The following OCA2 variants were observed in gnomAD, a reference collection of about 807,000 sequenced individuals.
OCA2 encodes the protein OCA2 melanosomal transmembrane protein, also known as P protein.
In OCA2, 77 loss-of-function variants were observed where a neutral mutation model predicts 100.2. The observed-to-expected ratio is 0.77, with a 90% CI of 0.64 to 0.93. OCA2 has a LOEUF of 0.93. OCA2 is among the 40% of genes least tolerant of loss of function. The pLI, the probability that OCA2 is intolerant of heterozygous loss-of-function variation, is 0.00. For synonymous variants in OCA2, 432 were observed against 439.2 expected (o/e 0.98, Z 0.21); for missense variants, 1,062 against 1,089.1 (o/e 0.98, Z 0.35).
At chr15:27,807,525 T>C (rs1268689201) in intron 23 of OCA2, among the ~76,000 whole-genome samples, 1 of 152,094 alleles carries the variant, frequency 6.6e-6, no homozygotes, top group Non-Finnish European at 1.5e-5. Context: ...GAAGGCACCT[T>C]CGTCCCCTCC....
chr15:27,765,229 T>C (rs2031163590), intron 23 of OCA2, among the ~76,000 whole-genome samples: 1 of 152,222 alleles, frequency 6.6e-6, no homozygotes, highest in African/African-American at 2.4e-5. Flanking sequence ...AGAGAGCCAG[T>C]GTCCTTATAC....
chr15:27,719,808 C>T, the OCA2 span, among the ~76,000 whole-genome samples: 12 of 152,134 alleles, frequency 7.9e-5, no homozygotes, highest in Non-Finnish European at 1.5e-4. Context: ...CCCATCTGCT[C>T]AGCTCCTGGT....
At chr15:27,855,526 A>G (rs531697195) in intron 21 of OCA2, among the ~76,000 whole-genome samples, 1 of 152,350 alleles carries the variant, frequency 6.6e-6, no homozygotes, top group East Asian at 1.9e-4. Context: ...TCCTCTGAGA[A>G]GTCTCCCTGA....
the OCA2 span, among the ~76,000 whole-genome samples, chr15:27,737,283 T>C: frequency 6.6e-6 from 1 of 152,178 alleles, no homozygotes. Context: ...AGCAGGTAGG[T>C]TTATAGAAAT....
At chr15:27,948,818 C>T (rs1057404460) in intron 18 of OCA2, among the ~76,000 whole-genome samples, 4 of 152,160 alleles carry the variant, frequency 2.6e-5, no homozygotes, top group African/African-American at 9.7e-5. Context: ...AAAGGCATTA[C>T]ACTGTGTGAG....
chr15:27,739,497 G>A, the OCA2 span, among the ~76,000 whole-genome samples: 2 of 139,200 alleles, frequency 1.4e-5, no homozygotes, highest in African/African-American at 5.5e-5. Context: ...CCAGGCTGGA[G>A]TGCAGTGGCA....
chr15:27,729,224 C>T, the OCA2 span, among the ~76,000 whole-genome samples: 1 of 151,986 alleles, frequency 6.6e-6, no homozygotes, highest in Non-Finnish European at 1.5e-5. Flanking sequence ...CTAAGCCTGA[C>T]CTAGGTTTGT....
intron 21 of OCA2, among the ~76,000 whole-genome samples, chr15:27,870,563 C>T (rs1338886971): frequency 1.3e-5 from 2 of 152,102 alleles, no homozygotes; most frequent in African/African-American, 2.4e-5. Context: ...AGATCTTGCC[C>T]AGGCCAAGCA....
chr15:27,873,828 A>G (rs12592510), intron 19 of OCA2, among the ~76,000 whole-genome samples: 37,152 of 152,192 alleles, frequency 0.24, 5,625 homozygotes, highest in East Asian at 0.56. Context: ...CTTTTACAAA[A>G]TAAAGTAATT....
chr15:28,074,131 G>T (rs1647058816), intron 2 of OCA2, among the ~76,000 whole-genome samples: 1 of 152,202 alleles, frequency 6.6e-6, no homozygotes, highest in Admixed American at 6.5e-5. Flanking sequence ...AAGCAATCTT[G>T]AGAAAGAACC....
chr15:28,094,582 G>T (rs1180923944), intron 1 of OCA2, among the ~76,000 whole-genome samples: 1 of 152,218 alleles, frequency 6.6e-6, no homozygotes, highest in Non-Finnish European at 1.5e-5. Flanking sequence ...AAAAATAGAT[G>T]GTTCAGAGTC....
chr15:27,971,684 T>C (rs2040797878), intron 14 of OCA2, among the ~76,000 whole-genome samples: 1 of 152,170 alleles, frequency 6.6e-6, no homozygotes, highest in African/African-American at 2.4e-5. Context: ...GCAAGAACTT[T>C]CCTCACAACT....
chr15:27,922,355 T>C (rs1231436407), intron 19 of OCA2, among the ~76,000 whole-genome samples: 1 of 152,198 alleles, frequency 6.6e-6, no homozygotes. Flanking sequence ...TAACCACTCA[T>C]GGAGATGATC....
At chr15:27,792,276 GCTTT>G (rs2033121437) in intron 23 of OCA2, among the ~76,000 whole-genome samples, 2 of 151,514 alleles carry the variant, frequency 1.3e-5, no homozygotes, top group South Asian at 4.2e-4. Context: ...CTTCCTTCTT[GCTTT>G]CTTTTTTCAT....
At chr15:28,091,599 T>C (rs2044870923) in intron 1 of OCA2, among the ~76,000 whole-genome samples, 1 of 152,168 alleles carries the variant, frequency 6.6e-6, no homozygotes, top group Non-Finnish European at 1.5e-5. Flanking sequence ...AATGAAAACA[T>C]ATGTCCACAC....
chr15:27,913,624 TGAAA>T (rs983753782), intron 19 of OCA2, among the ~76,000 whole-genome samples: 3 of 151,556 alleles, frequency 2.0e-5, no homozygotes, highest in African/African-American at 7.3e-5. Context: ...TGCTACAACC[TGAAA>T]GAAAGTGGGG....
intron 3 of OCA2, among the ~76,000 whole-genome samples, chr15:28,031,277 T>G (rs2042899787): frequency 6.6e-6 from 1 of 152,226 alleles, no homozygotes; most frequent in African/African-American, 2.4e-5. Flanking sequence ...ATCCTCAGCT[T>G]TGTGCTTGAA....
At chr15:27,753,824 A>G (rs942250924), downstream of OCA2, among the ~76,000 whole-genome samples, 1 of 152,084 alleles carries the variant, frequency 6.6e-6, no homozygotes, top group Admixed American at 6.5e-5. Context: ...CAACGAGGAG[A>G]GGCAGTGGGT....
intron 23 of OCA2, among the ~76,000 whole-genome samples, chr15:27,782,817 C>T (rs2032611990): frequency 1.3e-5 from 2 of 152,266 alleles, no homozygotes; most frequent in Admixed American, 1.3e-4. Context: ...TGAAAGCCTA[C>T]TATCCCCATA....
Sources: allele counts gnomAD v4.1 joint callset (sites outside exome capture counted in the v4.1 genomes callset), GRCh38; gene constraint gnomAD v4.1.1; transcripts MANE v1.5; gene names NCBI Gene and HGNC (gene_info 2026-07-23, HGNC 2026-07-21).